Variants in TBL1XR1 observed in about 807,000 individuals in gnomAD.
The protein encoded by TBL1XR1 is F-box-like/WD repeat-containing protein TBL1XR1.
A neutral mutation model predicts 66.9 loss-of-function variants in TBL1XR1; 5 were observed. The observed-to-expected ratio is 0.07, with a 90% CI of 0.04 to 0.16. The LOEUF (loss-of-function observed/expected upper bound fraction) is 0.16. TBL1XR1 is among the 10% of genes least tolerant of loss of function. The pLI is 1.00. For synonymous variants in TBL1XR1, 210 were observed against 206.0 expected (o/e 1.02, Z -0.17); for missense variants, 238 against 623.2 (o/e 0.38, Z 6.58).
intron 1 of TBL1XR1, among the ~76,000 whole-genome samples, chr3:177,158,907 C>T (rs1471984602): frequency 2.0e-5 from 3 of 152,046 alleles, no homozygotes; most frequent in Middle Eastern, 3.2e-3. Flanking sequence ...ATCCATCCTG[C>T]GGGCCACATT....
chr3:177,159,840 T>C (rs779642297), intron 1 of TBL1XR1, among the ~76,000 whole-genome samples: 9 of 152,196 alleles, frequency 5.9e-5, no homozygotes, highest in Admixed American at 1.3e-4. Flanking sequence ...GACACTAGTT[T>C]TGCATCTTCA....
At chr3:177,087,227 TAA>T (rs10713492) in intron 2 of TBL1XR1, among the ~76,000 whole-genome samples, 26 of 150,018 alleles carry the variant, frequency 1.7e-4, no homozygotes, top group Non-Finnish European at 2.8e-4. Flanking sequence ...CTTTTTTATT[TAA>T]AAAAAAAATT....
intron 2 of TBL1XR1, among the ~76,000 whole-genome samples, chr3:177,076,462 C>A (rs1327365103): frequency 6.6e-6 from 1 of 152,146 alleles, no homozygotes; most frequent in African/African-American, 2.4e-5. Context: ...ACTTAAGTAT[C>A]TCTATAAGGA....
chr3:177,135,998 A>G (rs1384756777), intron 1 of TBL1XR1, among the ~76,000 whole-genome samples: 1 of 152,088 alleles, frequency 6.6e-6, no homozygotes, highest in Admixed American at 6.5e-5. Flanking sequence ...ACTGGAATCC[A>G]AATCTCTCCA....
intron 1 of TBL1XR1, among the ~76,000 whole-genome samples, chr3:177,177,369 G>A (rs755136546): frequency 1.3e-5 from 2 of 152,032 alleles, no homozygotes; most frequent in Non-Finnish European, 2.9e-5. Flanking sequence ...AGAATCACTC[G>A]AACCCAGGAG....
At chr3:177,120,911 A>C (rs927221196) in intron 1 of TBL1XR1, 1 of 152,210 alleles carries the variant, frequency 6.6e-6, no homozygotes, top group Admixed American at 6.5e-5. Flanking sequence ...GTCATATTTT[A>C]TACATGGCCC....
chr3:177,091,034 G>C (rs1420827682), intron 2 of TBL1XR1: 1 of 150,596 alleles, frequency 6.6e-6, no homozygotes, highest in African/African-American at 2.5e-5. Context: ...GGGAAGGGAA[G>C]AAGAAAAGGG....
intron 9 of TBL1XR1, among the ~76,000 whole-genome samples, chr3:177,047,040 C>G (rs553540940): frequency 6.6e-6 from 1 of 152,164 alleles, no homozygotes; most frequent in South Asian, 2.1e-4. Context: ...AGAAGGGAAG[C>G]AAAAAGTGCA....
chr3:177,144,654 G>A (rs774510805), intron 1 of TBL1XR1, among the ~76,000 whole-genome samples: 8 of 152,118 alleles, frequency 5.3e-5, no homozygotes, highest in Non-Finnish European at 7.4e-5. Context: ...CTCAGAGGCT[G>A]AGGCAGGAGA....
chr3:177,138,864 T>C (rs1389991786), intron 1 of TBL1XR1, among the ~76,000 whole-genome samples: 1 of 152,166 alleles, frequency 6.6e-6, no homozygotes, highest in Non-Finnish European at 1.5e-5. Context: ...CAGGGTACCA[T>C]GTGCCTGCTG....
At chr3:177,150,534 C>A (rs141318828) in intron 1 of TBL1XR1, among the ~76,000 whole-genome samples, 2 of 152,300 alleles carry the variant, frequency 1.3e-5, no homozygotes, top group African/African-American at 4.8e-5. Flanking sequence ...GACTGAGTTA[C>A]CTAGGAAAAC....
intron 1 of TBL1XR1, among the ~76,000 whole-genome samples, chr3:177,121,563 A>AT (rs1481705834): frequency 6.6e-6 from 1 of 152,220 alleles, no homozygotes; most frequent in Non-Finnish European, 1.5e-5. Context: ...ATTCATGCAG[A>AT]TTATAAATTA....
chr3:177,026,813 T>C (rs1713194484), intron 14 of TBL1XR1: 1 of 192,916 alleles, frequency 5.2e-6, no homozygotes, highest in African/African-American at 2.3e-5. Context: ...TGTTGCTAAA[T>C]GATACATGAG....
intron 1 of TBL1XR1, among the ~76,000 whole-genome samples, chr3:177,152,353 T>C (rs998566693): frequency 2.0e-5 from 3 of 152,166 alleles, no homozygotes; most frequent in Admixed American, 2.0e-4. Context: ...CTTCCTATTG[T>C]TGCCCAGGCT....
chr3:177,083,073 TA>T (rs1406127449), intron 2 of TBL1XR1, among the ~76,000 whole-genome samples: 2 of 151,902 alleles, frequency 1.3e-5, no homozygotes, highest in Non-Finnish European at 2.9e-5. Flanking sequence ...AATTCCACAA[TA>T]AAAATCATAC....
intron 1 of TBL1XR1, among the ~76,000 whole-genome samples, chr3:177,120,181 G>C (rs1197969890): frequency 2.0e-5 from 3 of 151,928 alleles, no homozygotes; most frequent in African/African-American, 7.3e-5. Context: ...TTTACCTCCA[G>C]TTATGCCTTC....
intron 1 of TBL1XR1, among the ~76,000 whole-genome samples, chr3:177,179,702 T>G (rs1734577522): frequency 6.6e-6 from 1 of 152,192 alleles, no homozygotes; most frequent in South Asian, 2.1e-4. Context: ...TCAAAGACCA[T>G]TAGCATGCTG....
intron 1 of TBL1XR1, among the ~76,000 whole-genome samples, chr3:177,155,331 T>C (rs2108867385): frequency 6.6e-6 from 1 of 152,274 alleles, no homozygotes; most frequent in South Asian, 2.1e-4. Context: ...ATTTGTATTG[T>C]GAATTATGAA....
upstream of TBL1XR1, among the ~76,000 whole-genome samples, chr3:177,197,959 G>C (rs1040822301): frequency 1.3e-5 from 2 of 150,986 alleles, no homozygotes; most frequent in African/African-American, 4.9e-5. Context: ...TGGAGCCGCC[G>C]GCGAAGTTTC....
Sources: gnomAD v4.1 joint callset for allele counts (sites outside exome capture counted in the v4.1 genomes callset) on GRCh38, gnomAD v4.1.1 for gene constraint, MANE v1.5 for transcripts, NCBI Gene and HGNC (gene_info 2026-07-23, HGNC 2026-07-21) for gene names.